TRPM6: variants seen among roughly 807,000 people sequenced by gnomAD.
TRPM6 encodes channel kinase 2.
Under a neutral mutation model 247.6 loss-of-function variants are expected in TRPM6, and 111 were observed. The ratio of observed to expected loss-of-function variants is 0.45; its 90% CI spans 0.38 to 0.52. The LOEUF (loss-of-function observed/expected upper bound fraction) is 0.52. Among genes scored for constraint, TRPM6 ranks in the 20% least tolerant of loss-of-function variants. The pLI is 0.00. For missense variants in TRPM6, 2,126 were observed against 2,421.5 expected (o/e 0.88, Z 2.56); for synonymous variants, 892 against 853.8 (o/e 1.04, Z -0.78).
chr9:74,804,869 T>C, intron 14 of TRPM6: 3 of 399,752 alleles, frequency 7.5e-6, no homozygotes, highest in Non-Finnish European at 8.9e-6. Context: ...GCACAAAAAA[T>C]CCCAAAATAT....
At chr9:74,748,690 A>C (rs1826131737) in intron 30 of TRPM6, among the ~76,000 whole-genome samples, 1 of 152,210 alleles carries the variant, frequency 6.6e-6, no homozygotes, top group South Asian at 2.1e-4. Context: ...ACAACCATAC[A>C]ATGTATTTGT....
intron 3 of TRPM6, among the ~76,000 whole-genome samples, chr9:74,844,525 A>G (rs1830046559): frequency 1.3e-5 from 2 of 152,188 alleles, no homozygotes; most frequent in Non-Finnish European, 2.9e-5. Flanking sequence ...GCTAGGTTCA[A>G]ACTTTTCTTT....
chr9:74,818,508 G>A (rs573016424), intron 9 of TRPM6, among the ~76,000 whole-genome samples: 1 of 151,942 alleles, frequency 6.6e-6, no homozygotes, highest in Admixed American at 6.6e-5. Context: ...TCACCATGTT[G>A]GCCAGGCTGG....
chr9:74,746,434 T>C (rs1231917283), intron 31 of TRPM6, among the ~76,000 whole-genome samples: 1 of 152,182 alleles, frequency 6.6e-6, no homozygotes, highest in Non-Finnish European at 1.5e-5. Context: ...CTGGAACATT[T>C]TGTTTGAGAC....
chr9:74,774,628 A>G lies in TRPM6; in HGVS notation c.3403+1255T>C, dbSNP rs374724498. Reference sequence around the variant, plus strand: ...CCCTAAGGACCTACCTAAACACATAAATAGCCCGCTATCCCCTTAGCTGAA... The same window carrying G: ...CCCTAAGGACCTACCTAAACACATAGATAGCCCGCTATCCCCTTAGCTGAA... On this transcript the variant is annotated intron_variant, in intron 24 of 38. Coordinates refer to ENST00000360774, the MANE Select transcript of TRPM6 (RefSeq NM_017662.5). 7.2e-5 allele frequency among the ~76,000 whole-genome samples: 11 copies of G among 152,230 alleles called. No homozygotes were observed. The East Asian group carries it at 1.9e-3, about 27-fold the overall frequency.
Position 74,739,723 on chromosome 9 carries a change from C to G in TRPM6, c.5487G>C (p.Arg1829Ser), listed in dbSNP as rs1446451423. The G allele has an allele frequency of 1.2e-6, 2 of 1,611,410 alleles. No individual in the cohort carries two copies. Among genetic ancestry groups the G allele is most frequent in the Non-Finnish European group, 1.7e-6 (2 of 1,179,980 alleles). The change falls in exon 34 of 39, where the codon AGG (arginine) becomes AGC (serine). Residue 1829 changes from arginine to serine, a missense_variant and splice_region_variant. Physicochemically the swap from Arg to Ser is moderately radical, Grantham distance 110. Around this residue, in one of 3 missense-constraint regions of TRPM6, gnomAD observed 327 missense variants for 397.7 expected, o/e 0.82. Transcript: ENST00000360774. ...QESTVLHLCLREIQQQRAAQK... is the reference protein window; with the variant it reads ...QESTVLHLCLSEIQQQRAAQK... ...ATGGGTCTCTGAGTTTCAGACTTAC[C>G]CTGAGGCAAAGATGAAGCACAGTGC...
chr9:74,837,195 T>C (rs1587561610), intron 5 of TRPM6, among the ~76,000 whole-genome samples: 1 of 152,236 alleles, frequency 6.6e-6, no homozygotes, highest in African/African-American at 2.4e-5. Context: ...TCAACTATGG[T>C]TGAGAAGCCT....
chr9:74,791,913 C>T (rs1211587581), intron 19 of TRPM6, among the ~76,000 whole-genome samples: 2 of 152,142 alleles, frequency 1.3e-5, no homozygotes, highest in East Asian at 1.9e-4. Context: ...CCCGCCATCA[C>T]GCCCGGCTAC....
intron 17 of TRPM6, among the ~76,000 whole-genome samples, chr9:74,799,303 G>T (rs190942629): frequency 6.6e-6 from 1 of 152,022 alleles, no homozygotes; most frequent in Non-Finnish European, 1.5e-5. Context: ...GTCACTCTTT[G>T]TCTCTTTTTA....
intron 5 of TRPM6, among the ~76,000 whole-genome samples, chr9:74,834,555 C>G (rs1829655925): frequency 6.6e-6 from 1 of 151,992 alleles, no homozygotes; most frequent in Non-Finnish European, 1.5e-5. Context: ...TGTTGGTTTG[C>G]TGCACCCATT....
intron 3 of TRPM6, among the ~76,000 whole-genome samples, chr9:74,843,491 C>T (rs1830008749): frequency 6.6e-6 from 1 of 152,104 alleles, no homozygotes; most frequent in African/African-American, 2.4e-5. Context: ...CAGCTAAAGT[C>T]ATACCAAATG....
At chr9:74,802,442 T>C (rs1174867971) in intron 15 of TRPM6, among the ~76,000 whole-genome samples, 2 of 152,146 alleles carry the variant, frequency 1.3e-5, no homozygotes, top group Non-Finnish European at 2.9e-5. Context: ...CTTTAGGATA[T>C]ACCCAGAGTG....
chr9:74,851,145 G>A (rs1269572272), intron 3 of TRPM6, among the ~76,000 whole-genome samples: 1 of 151,882 alleles, frequency 6.6e-6, no homozygotes, highest in African/African-American at 2.4e-5. Context: ...AGGTCCCATA[G>A]AAGAAACAGA....
At chr9:74,821,879 C>T in intron 7 of TRPM6, 42 bp from the exon 8 acceptor site, 1 of 1,612,102 alleles carries the variant, frequency 6.2e-7, no homozygotes, top group Non-Finnish European at 8.5e-7. Context: ...TAGAGAATCC[C>T]TAGCTCAGCC....
Position 74,724,222 on chromosome 9 carries a change from A to G in TRPM6, c.*391T>C. 1 of 273,666 alleles carries G rather than the reference A, an allele frequency of 3.7e-6. No individual in the cohort carries two copies. Among genetic ancestry groups the G allele is most frequent in the Non-Finnish European group, 7.1e-6 (1 of 141,074 alleles). 17.0% of individuals were successfully genotyped at this position (273,666 alleles called of 1,614,324 possible). A position where few individuals can be genotyped will look rare whatever the true frequency, so the allele number is the denominator to read the frequency against. On this transcript the variant is annotated 3_prime_UTR_variant, in exon 39 of 39. Coordinates refer to ENST00000360774, the MANE Select transcript of TRPM6 (RefSeq NM_017662.5). ...ATCTGTGGGTGAGGTGACAAATAGT[A>G]GTAGGGGGTCCAGTCTGCATACATA...
At chr9:74,825,398 G>A (rs1263358432) in intron 7 of TRPM6, among the ~76,000 whole-genome samples, 1 of 152,108 alleles carries the variant, frequency 6.6e-6, no homozygotes, top group African/African-American at 2.4e-5. Flanking sequence ...TGTTAGGTAT[G>A]AAGATCAGCT....
intron 3 of TRPM6, among the ~76,000 whole-genome samples, chr9:74,846,560 TG>T (rs1235854449): frequency 6.6e-6 from 1 of 152,060 alleles, no homozygotes; most frequent in African/African-American, 2.4e-5. Flanking sequence ...CTTTTTTTTG[TG>T]AAACAGAGTC....
intron 1 of TRPM6, among the ~76,000 whole-genome samples, chr9:74,859,736 T>C (rs1330714853): frequency 6.7e-6 from 1 of 148,274 alleles, no homozygotes; most frequent in East Asian, 2.0e-4. Flanking sequence ...ATTGCACCAC[T>C]GCACTCTGGC....
intron 23 of TRPM6, among the ~76,000 whole-genome samples, chr9:74,782,011 T>C (rs185854694): frequency 1.1e-4 from 16 of 152,308 alleles, no homozygotes; most frequent in African/African-American, 3.8e-4. Context: ...TATTAGGTAT[T>C]ATAGAGAATT....
Sources: allele counts gnomAD v4.1 joint callset (sites outside exome capture counted in the v4.1 genomes callset), GRCh38; gene constraint gnomAD v4.1.1; regional missense constraint gnomAD v4.1.1; transcripts MANE v1.5; gene names NCBI Gene and HGNC (gene_info 2026-07-23, HGNC 2026-07-21).